The following RASA2 variants were observed in gnomAD, a reference collection of about 807,000 sequenced individuals.
The protein encoded by RASA2 is ras GTPase-activating protein 2.
Under a neutral mutation model 118.2 loss-of-function variants are expected in RASA2, and 155 were observed. The ratio of observed to expected loss-of-function variants is 1.31; its 90% CI spans 1.15 to 1.50. The LOEUF (loss-of-function observed/expected upper bound fraction) is 1.50. RASA2 is among the 40% of genes most tolerant of loss of function. The pLI is 0.00. For synonymous variants in RASA2, 353 were observed against 349.1 expected (o/e 1.01, Z -0.12); for missense variants, 1,016 against 1,009.6 (o/e 1.01, Z -0.09).
intron 9 of RASA2, among the ~76,000 whole-genome samples, chr3:141,563,067 A>G (rs1480743521): frequency 6.6e-6 from 1 of 152,180 alleles, no homozygotes; most frequent in African/African-American, 2.4e-5. Flanking sequence ...CTCAATTTTA[A>G]TTACACAGAC....
At chr3:141,597,844 A>G (rs1445700756) in intron 19 of RASA2, among the ~76,000 whole-genome samples, 1 of 152,152 alleles carries the variant, frequency 6.6e-6, no homozygotes, top group Non-Finnish European at 1.5e-5. Flanking sequence ...AAAAGAAAAA[A>G]AAATCAAACA....
chr3:141,611,413 A>G (rs1479098312), intron 23 of RASA2, among the ~76,000 whole-genome samples: 1 of 152,226 alleles, frequency 6.6e-6, no homozygotes, highest in Admixed American at 6.5e-5. Context: ...CCTGAAACAC[A>G]TGGCTACCCA....
At chr3:141,500,506 C>T (rs1219484141) in intron 1 of RASA2, among the ~76,000 whole-genome samples, 1 of 152,130 alleles carries the variant, frequency 6.6e-6, no homozygotes, top group Non-Finnish European at 1.5e-5. Context: ...ATCACTTAAC[C>T]TCTCTGAGCC....
intron 5 of RASA2, among the ~76,000 whole-genome samples, chr3:141,541,948 TC>T (rs2082411231): frequency 6.6e-6 from 1 of 152,096 alleles, no homozygotes; most frequent in African/African-American, 2.4e-5. Context: ...GATTAGGTCT[TC>T]CACTCCTCCC....
At chr3:141,503,472 A>T (rs963543968) in intron 1 of RASA2, among the ~76,000 whole-genome samples, 2 of 152,148 alleles carry the variant, frequency 1.3e-5, no homozygotes, top group Non-Finnish European at 2.9e-5. Context: ...CATTTCTGTT[A>T]ATCTTAACAG....
At chr3:141,544,443 T>C (rs902997932) in intron 5 of RASA2, among the ~76,000 whole-genome samples, 3 of 152,156 alleles carry the variant, frequency 2.0e-5, no homozygotes, top group Admixed American at 2.0e-4. Flanking sequence ...TGTCCTTTGC[T>C]TTTCCCCCCA....
chr3:141,590,386 CTGTG>C (rs1221429204), intron 19 of RASA2, among the ~76,000 whole-genome samples: 2 of 152,188 alleles, frequency 1.3e-5, no homozygotes, highest in African/African-American at 4.8e-5. Flanking sequence ...CTTGTGATGT[CTGTG>C]AACCATAATA....
chr3:141,526,539 A>G (rs2082187615), intron 3 of RASA2, among the ~76,000 whole-genome samples: 1 of 152,080 alleles, frequency 6.6e-6, no homozygotes, highest in Non-Finnish European at 1.5e-5. Context: ...ATTGCCTAAT[A>G]AAGTGCTGGA....
intron 19 of RASA2, among the ~76,000 whole-genome samples, chr3:141,606,552 T>C (rs1269982967): frequency 6.6e-6 from 1 of 152,146 alleles, no homozygotes; most frequent in Non-Finnish European, 1.5e-5. Context: ...TCATAAGTGG[T>C]TAGAACAGTG....
intron 1 of RASA2, among the ~76,000 whole-genome samples, chr3:141,497,669 C>G (rs2081723528): frequency 1.3e-5 from 2 of 150,772 alleles, no homozygotes; most frequent in South Asian, 2.1e-4. Flanking sequence ...TGAGACCAGC[C>G]TGGGCCACAT....
At chr3:141,568,761 A>G (rs761032062) in intron 9 of RASA2, among the ~76,000 whole-genome samples, 14 of 152,106 alleles carry the variant, frequency 9.2e-5, no homozygotes, top group Non-Finnish European at 1.9e-4. Context: ...TCTACCCTAC[A>G]GCGTTTGTTA....
intron 4 of RASA2, among the ~76,000 whole-genome samples, chr3:141,533,480 A>C (rs1012987920): frequency 6.6e-6 from 1 of 152,212 alleles, no homozygotes; most frequent in Non-Finnish European, 1.5e-5. Context: ...CTTAGTTGTG[A>C]AGTTCTAGGG....
At position 141,559,833 on chromosome 3, in the gene RASA2, T is replaced by C. The variant is rs1280678892; in HGVS notation, c.762-61T>C. On this transcript the variant is annotated intron_variant, in intron 8 of 23. Transcript: ENST00000286364. The stretch of plus-strand genomic sequence containing the variant: ...CAGATCAAAGTAATTTGAAGCTGTT[T>C]TGTGGTGTGAACTCTCTTAAACATT... 8.1e-6 allele frequency: 11 copies of C among 1,353,712 alleles called. No homozygotes were observed. The Admixed American group carries it at 1.9e-4, about 24-fold the overall frequency. 83.9% of individuals were successfully genotyped at this position (1,353,712 alleles called of 1,614,324 possible). A position where few individuals can be genotyped will look rare whatever the true frequency, so the allele number is the denominator to read the frequency against.
chr3:141,564,650 G>A (rs941106375), intron 9 of RASA2, among the ~76,000 whole-genome samples: 3 of 152,046 alleles, frequency 2.0e-5, no homozygotes, highest in Non-Finnish European at 4.4e-5. Flanking sequence ...TCACCACAAC[G>A]CCTTTTGATA....
chr3:141,521,050 A>G lies in RASA2; in HGVS notation c.355+4619A>G, dbSNP rs144398169. Among the ~76,000 whole-genome samples the G allele has an allele frequency of 1.7e-3, 265 of 152,320 alleles. 1 individual carries two copies. Among genetic ancestry groups the G allele is most frequent in the African/African-American group, 6.0e-3 (250 of 41,574 alleles). On this transcript the variant is annotated intron_variant, in intron 3 of 23. Coordinates refer to ENST00000286364, the MANE Select transcript of RASA2 (RefSeq NM_006506.5). The stretch of plus-strand genomic sequence containing the variant: ...GCAAGAACATTCACTTTTGAGTGAG[A>G]AGGGGAGAGGATGACTTTGGTTTCA...
intron 19 of RASA2, among the ~76,000 whole-genome samples, chr3:141,601,713 T>G (rs2083466937): frequency 6.6e-6 from 1 of 152,212 alleles, no homozygotes; most frequent in Non-Finnish European, 1.5e-5. Flanking sequence ...TTGTTGAATT[T>G]TTTGAACCAT....
At chr3:141,543,419 C>T (rs1193708420) in intron 5 of RASA2, among the ~76,000 whole-genome samples, 2 of 152,142 alleles carry the variant, frequency 1.3e-5, no homozygotes, top group Non-Finnish European at 2.9e-5. Flanking sequence ...ATTTTTGCTT[C>T]AGCCATCTAA....
rs769885213 is a variant in RASA2 at position 141,608,678 on chromosome 3, G to T, written c.2206G>T (p.Gly736Cys). The T allele has an allele frequency of 6.2e-7, 1 of 1,613,548 alleles. No individual in the cohort carries two copies. The change falls in exon 21 of 24, where the codon GGC becomes TGC. Residue 736 changes from glycine (G) to cysteine (C), a missense_variant. Transcript: ENST00000286364. ...CCQETGENTLGCKPCTAGVPA... is the reference protein window; with the variant it reads ...CCQETGENTLCCKPCTAGVPA... ...TCAGGAGACTGGTGAAAACACTCTC[G>T]GCTGCAAGCCATGTACTGCGTAAGT...
Position 141,586,671 on chromosome 3 carries a change from A to C in RASA2, c.1852A>C (p.Arg618=). The C allele has an allele frequency of 1.9e-6, 3 of 1,613,000 alleles. No individual in the cohort carries two copies. Among genetic ancestry groups the C allele is most frequent in the Non-Finnish European group, 2.5e-6 (3 of 1,179,158 alleles). The part of the protein sequence containing the change: ...EGEMYKRAQG[R]TRIGKKNFKK... ...TGAGATGTATAAAAGAGCTCAAGGAAGAACTCGGATTGGAAAAAAGAATTT... is the reference window on the plus strand; with the variant it reads ...TGAGATGTATAAAAGAGCTCAAGGACGAACTCGGATTGGAAAAAAGAATTT... Residue 618 remains arginine (R), a synonymous_variant, in exon 19 of 24, where the codon AGA becomes CGA. Transcript: ENST00000286364.
Sources: gnomAD v4.1 joint callset for allele counts (sites outside exome capture counted in the v4.1 genomes callset) on GRCh38, gnomAD v4.1.1 for gene constraint, MANE v1.5 for transcripts, NCBI Gene and HGNC (gene_info 2026-07-23, HGNC 2026-07-21) for gene names.